The following LDAH variants were observed in gnomAD, a reference collection of about 807,000 sequenced individuals.
The protein encoded by LDAH is lipid droplet associated hydrolase.
LDAH carries 26 observed loss-of-function variants against 29.6 expected under a neutral mutation model. That is an observed-to-expected ratio of 0.88 (90% CI 0.64 to 1.22). LDAH has a LOEUF of 1.22. Ranked by LOEUF, LDAH falls within the 50% of genes most tolerant of loss-of-function variation. LDAH has a pLI of 0.00. For synonymous variants in LDAH, 117 were observed against 133.0 expected, an observed-to-expected ratio of 0.88 and a Z score of 0.83; for missense variants, 344 against 387.3, an observed-to-expected ratio of 0.89 and a Z score of 0.94.
chr2:20,799,751 CTTTAAAGATCATTTAAGCTTTTTT>C (rs1671540432), intron 2 of LDAH, among the ~76,000 whole-genome samples: 4 of 152,122 alleles, frequency 2.6e-5, no homozygotes, highest in Non-Finnish European at 5.9e-5. Context: ...GGAAAGTTGA[CTTTAAAGATCATTTAAGCTTTTTT>C]TTTCCTCCTA....
chr2:20,712,017 T>G (rs1035611991), intron 5 of LDAH, among the ~76,000 whole-genome samples: 1 of 152,208 alleles, frequency 6.6e-6, no homozygotes, highest in Non-Finnish European at 1.5e-5. Flanking sequence ...GTCTGACAGC[T>G]CTGAAGACAG....
At chr2:20,795,109 A>C (rs1400820216) in intron 2 of LDAH, among the ~76,000 whole-genome samples, 1 of 152,236 alleles carries the variant, frequency 6.6e-6, no homozygotes, top group Non-Finnish European at 1.5e-5. Context: ...AAAATATTTA[A>C]TCAAAAGTTT....
At chr2:20,784,895 CA>C (rs1056119493) in intron 3 of LDAH, among the ~76,000 whole-genome samples, 1 of 150,944 alleles carries the variant, frequency 6.6e-6, no homozygotes. Context: ...TCAAAAAAAA[CA>C]AAAAAAACAA....
At chr2:20,761,389 A>T (rs1181458825) in intron 4 of LDAH, among the ~76,000 whole-genome samples, 1 of 22,908 alleles carries the variant, frequency 4.4e-5, no homozygotes, top group African/African-American at 9.6e-4. Context: ...TGTGGCTATA[A>T]AAAAAAATTA....
chr2:20,788,331 A>G (rs1670700342), intron 3 of LDAH, among the ~76,000 whole-genome samples: 1 of 152,210 alleles, frequency 6.6e-6, no homozygotes, highest in Non-Finnish European at 1.5e-5. Context: ...TGTTTTTCAG[A>G]AAGTATTCAG....
At chr2:20,694,662 C>G (rs12467020) in intron 6 of LDAH, among the ~76,000 whole-genome samples, 9,472 of 152,222 alleles carry the variant, frequency 0.062, 398 homozygotes, top group East Asian at 0.13. Flanking sequence ...AAATGCTTCC[C>G]GCCCGTGAAC....
intron 5 of LDAH, among the ~76,000 whole-genome samples, chr2:20,725,774 C>G (rs2149407562): frequency 6.6e-6 from 1 of 152,318 alleles, no homozygotes; most frequent in East Asian, 1.9e-4. Flanking sequence ...AAAGCCTAAT[C>G]AGGAGTAGGC....
At chr2:20,792,568 C>T (rs1235515170) in intron 2 of LDAH, among the ~76,000 whole-genome samples, 2 of 152,236 alleles carry the variant, frequency 1.3e-5, no homozygotes, top group Non-Finnish European at 2.9e-5. Flanking sequence ...TACAATATCT[C>T]TATAAAGTAG....
chr2:20,683,328 A>G (rs965322468), downstream of LDAH, among the ~76,000 whole-genome samples: 14 of 152,214 alleles, frequency 9.2e-5, no homozygotes, highest in African/African-American at 3.1e-4. Context: ...TGCTGTCCTC[A>G]GCACTCCTGC....
chr2:20,685,171 C>A lies in LDAH; in HGVS notation c.*1732G>T. ...ACCAGAAATAAGACACAATTTCATA[C>A]GTGCAGACTTTTGAAATATGGAGTA... On this transcript the variant is annotated 3_prime_UTR_variant, in exon 7 of 7. Coordinates refer to ENST00000237822, the MANE Select transcript of LDAH (RefSeq NM_021925.4). The A allele has an allele frequency of 2.0e-6, 1 of 498,248 alleles. No homozygotes were observed. The highest frequency in any genetic ancestry group is 3.4e-6 in the Non-Finnish European group (1 of 291,582). The allele number at this position is 498,248 out of a possible 1,614,324, so 30.9% of individuals were successfully genotyped here.
At position 20,685,256 on chromosome 2, in the gene LDAH, T is replaced by C. The variant is rs958249156; in HGVS notation, c.*1647A>G. On this transcript the variant is annotated 3_prime_UTR_variant, in exon 7 of 7. Coordinates refer to ENST00000237822, the MANE Select transcript of LDAH (RefSeq NM_021925.4). ...ATGTTACTCTTTATTCTGGTAGGTA[T>C]GATTTACCCAGTATTGTTTACATGC... 2.1e-6 allele frequency: 1 copy of C among 484,952 alleles called. No homozygotes were observed. Among genetic ancestry groups the C allele is most frequent in the African/African-American group, 2.0e-5 (1 of 50,774 alleles). The allele number at this position is 484,952 out of a possible 1,614,324, so 30.0% of individuals were successfully genotyped here.
intron 1 of LDAH, among the ~76,000 whole-genome samples, chr2:20,802,895 G>A (rs1671801915): frequency 6.6e-6 from 1 of 152,132 alleles, no homozygotes; most frequent in East Asian, 1.9e-4. Context: ...AGTATGACAT[G>A]ATGCTAAGCT....
At chr2:20,687,325 T>TGATA (rs1662637390) in intron 6 of LDAH, among the ~76,000 whole-genome samples, 1 of 152,302 alleles carries the variant, frequency 6.6e-6, no homozygotes, top group Admixed American at 6.5e-5. Flanking sequence ...GACTCTTGTG[T>TGATA]GATAGATCAC....
chr2:20,751,106 T>G (rs1667941665), intron 4 of LDAH, among the ~76,000 whole-genome samples: 1 of 152,210 alleles, frequency 6.6e-6, no homozygotes, highest in Non-Finnish European at 1.5e-5. Flanking sequence ...ATATTCCCGT[T>G]TGACAAACCT....
intron 5 of LDAH, among the ~76,000 whole-genome samples, chr2:20,736,649 T>A (rs757241781): frequency 2.6e-5 from 4 of 152,074 alleles, no homozygotes; most frequent in Non-Finnish European, 5.9e-5. Flanking sequence ...GAAATTGACA[T>A]CTATAAAGGA....
At chr2:20,819,900 A>G (rs1362957785) in intron 1 of LDAH, among the ~76,000 whole-genome samples, 2 of 152,242 alleles carry the variant, frequency 1.3e-5, no homozygotes, top group African/African-American at 4.8e-5. Context: ...TAAGCTGATA[A>G]GCAACTTCAG....
At chr2:20,758,714 A>T (rs1044289423) in intron 4 of LDAH, among the ~76,000 whole-genome samples, 4 of 152,166 alleles carry the variant, frequency 2.6e-5, no homozygotes, top group Admixed American at 6.5e-5. Context: ...GTTTGAGATG[A>T]TTTTCCAGAA....
chr2:20,816,797 C>T (rs1231883259), intron 1 of LDAH, among the ~76,000 whole-genome samples: 1 of 151,884 alleles, frequency 6.6e-6, no homozygotes, highest in Non-Finnish European at 1.5e-5. Flanking sequence ...ATACATGGAA[C>T]ATCCACCAAG....
chr2:20,812,416 T>A (rs1422442230), intron 1 of LDAH, among the ~76,000 whole-genome samples: 1 of 152,210 alleles, frequency 6.6e-6, no homozygotes, highest in Non-Finnish European at 1.5e-5. Flanking sequence ...ACTTCTCAAG[T>A]TCCTGTCAAG....
Sources: allele counts gnomAD v4.1 joint callset (sites outside exome capture counted in the v4.1 genomes callset), GRCh38; gene constraint gnomAD v4.1.1; transcripts MANE v1.5; gene names NCBI Gene and HGNC (gene_info 2026-07-23, HGNC 2026-07-21).